The following DHRS3 variants were observed in gnomAD, a reference collection of about 807,000 sequenced individuals.
DHRS3 encodes dehydrogenase/reductase 3.
Under a neutral mutation model 27.2 loss-of-function variants are expected in DHRS3, and 14 were observed. The observed-to-expected ratio is 0.52, with a 90% CI of 0.34 to 0.81. The LOEUF is 0.81. Among genes scored for constraint, DHRS3 ranks in the 30% least tolerant of loss-of-function variants. DHRS3 has a pLI of 0.01. For synonymous variants in DHRS3, 165 were observed against 175.9 expected (o/e 0.94, Z 0.49); for missense variants, 322 against 406.2 (o/e 0.79, Z 1.78).
At chr1:12,587,141 C>CTTTT (rs564825355) in intron 1 of DHRS3, among the ~76,000 whole-genome samples, 12 of 132,316 alleles carry the variant, frequency 9.1e-5, no homozygotes, top group African/African-American at 1.2e-4. Context: ...CAACTCTAAA[C>CTTTT]TTTTTTTTTT....
Position 12,617,814 on chromosome 1 carries a change from A to AAAAT in DHRS3, c.-467_-466insATTT, listed in dbSNP as rs1646955874. The AAAAT allele has an allele frequency of 1.4e-5, 2 of 142,040 alleles. 1 individual carries two copies. The highest frequency in any genetic ancestry group is 5.2e-5 in the African/African-American group (2 of 38,692). 8.8% of individuals were successfully genotyped at this position (142,040 alleles called of 1,614,324 possible). On this transcript the variant is annotated 5_prime_UTR_variant, in exon 1 of 6. Coordinates refer to ENST00000616661, the MANE Select transcript of DHRS3 (RefSeq NM_004753.7). ...AAAAAAAAAAAAAAAAAAAAAAAAAAAGCTGATTCCAAATTGTAGCGCCCC... is the reference window on the plus strand; with the variant it reads ...AAAAAAAAAAAAAAAAAAAAAAAAAAAAATAGCTGATTCCAAATTGTAGCGCCCC...
rs1646755425 is a variant in DHRS3, at chr1:12,592,574, C to T, written c.196-11908G>A. Among the ~76,000 whole-genome samples, 1 of 152,200 alleles carries T rather than the reference C, an allele frequency of 6.6e-6. No homozygotes were observed. Among genetic ancestry groups the T allele is most frequent in the African/African-American group, 2.4e-5 (1 of 41,446 alleles). On this transcript the variant is annotated intron_variant, in intron 1 of 5. Transcript: ENST00000616661. This position sits in a 1 kb window ranked among gnomAD's most constrained non-coding sequence, Gnocchi z 4.2. ...ACAAGGAAGGATCCTTCCCTAGAGC[C>T]CGGGAGGGAGTGGGGCCCTGCTGAC...
Position 12,609,156 on chromosome 1 carries a change from G to C in DHRS3, c.195+7998C>G, listed in dbSNP as rs920906042. Among the ~76,000 whole-genome samples the C allele has an allele frequency of 3.9e-5, 6 of 152,340 alleles. 1 individual carries two copies. Among genetic ancestry groups the C allele is most frequent in the Admixed American group, 3.9e-4 (6 of 15,306 alleles). The stretch of plus-strand genomic sequence containing the variant: ...CCAACTCATCCTTCCACAGTGTTAG[G>C]AGATTTTTCAGTCTGGGGATGGTGG... On this transcript the variant is annotated intron_variant, in intron 1 of 5. Coordinates refer to ENST00000616661, the MANE Select transcript of DHRS3 (RefSeq NM_004753.7).
At chr1:12,616,245 C>T (rs1051653828) in intron 1 of DHRS3, among the ~76,000 whole-genome samples, 3 of 152,164 alleles carry the variant, frequency 2.0e-5, no homozygotes, top group African/African-American at 7.2e-5. Context: ...CGCTCTTCCT[C>T]TTCACAGGGC....
intron 5 of DHRS3, among the ~76,000 whole-genome samples, chr1:12,569,365 CAG>C (rs1021972793): frequency 2.6e-5 from 4 of 151,422 alleles, no homozygotes; most frequent in African/African-American, 7.3e-5. Context: ...GATCCTGAAA[CAG>C]AGCTCATTTT....
chr1:12,603,126 C>T (rs1408403568), intron 1 of DHRS3, among the ~76,000 whole-genome samples: 6 of 152,262 alleles, frequency 3.9e-5, no homozygotes, highest in South Asian at 2.1e-4. Flanking sequence ...GAGGAGGTGC[C>T]GAGGCTGAGG....
chr1:12,611,703 G>T (rs952636535), intron 1 of DHRS3, among the ~76,000 whole-genome samples: 1 of 152,008 alleles, frequency 6.6e-6, no homozygotes, highest in Non-Finnish European at 1.5e-5. Flanking sequence ...ATTTTTGAGC[G>T]TGCCGGGATC....
intron 1 of DHRS3, among the ~76,000 whole-genome samples, chr1:12,613,757 A>G (rs1370617314): frequency 6.6e-6 from 1 of 151,850 alleles, no homozygotes; most frequent in African/African-American, 2.4e-5. Context: ...GGAAGTGGGA[A>G]TTGAGTTTTT....
In DHRS3 at chr1:12,579,348, CTG is replaced by C; in HGVS notation, c.402_403del (p.Asp134GlufsTer2). On this transcript the variant is annotated frameshift_variant, in exon 3 of 6. Coordinates refer to ENST00000616661, the MANE Select transcript of DHRS3 (RefSeq NM_004753.7). LOFTEE classifies it high-confidence loss of function. Reference sequence around the variant, plus strand: ...GGACTTGAGGAGGGCATCATCATCACTGTCCATTAGGCTCTTCCCATGGACCA... The same window carrying C: ...GGACTTGAGGAGGGCATCATCATCACTCCATTAGGCTCTTCCCATGGACCA... The C allele has an allele frequency of 6.2e-7, 1 of 1,614,220 alleles. No homozygotes were observed. The highest frequency in any genetic ancestry group is 1.1e-5 in the South Asian group (1 of 91,082).
chr1:12,576,329 G>A (rs1324775557), intron 4 of DHRS3, among the ~76,000 whole-genome samples: 5 of 151,950 alleles, frequency 3.3e-5, no homozygotes, highest in Non-Finnish European at 5.9e-5. Context: ...TTGGGAGGCC[G>A]AGGTGGACGG....
rs983490296 is a variant in DHRS3 at position 12,593,090 on chromosome 1, A to G, written c.196-12424T>C. On this transcript the variant is annotated intron_variant, in intron 1 of 5. Transcript: ENST00000616661. This position sits in a 1 kb window ranked among gnomAD's most constrained non-coding sequence, Gnocchi z 4.6. ...CCTGCCTCAGTCTGTTCTCAACACA[A>G]CAGCCAGAGATCCTTCTAGAATGTG... Among the ~76,000 whole-genome samples, 15 of 152,126 alleles carry G rather than the reference A, an allele frequency of 9.9e-5. No homozygotes were observed. The highest frequency in any genetic ancestry group is 3.1e-4 in the African/African-American group (13 of 41,416).
intron 1 of DHRS3, among the ~76,000 whole-genome samples, chr1:12,588,559 A>G (rs1646718538): frequency 6.6e-6 from 1 of 152,128 alleles, no homozygotes. Flanking sequence ...CTCTCCCATG[A>G]GCGTGCAAGG....
rs531078007 is a variant in DHRS3, at chr1:12,608,008, G to T, written c.195+9146C>A. ...TTCTCCTGCCTCAGTCTCCCGAGTA[G>T]CTGGGATCCCAGGCATGCACCACCA... On this transcript the variant is annotated intron_variant, in intron 1 of 5. Transcript: ENST00000616661. The surrounding 1 kb of genome is among the most constrained non-coding windows in gnomAD (Gnocchi z 4.1). 6.6e-6 allele frequency among the ~76,000 whole-genome samples: 1 copy of T among 152,172 alleles called. No homozygotes were observed. The highest frequency in any genetic ancestry group is 6.5e-5 in the Admixed American group (1 of 15,274).
In DHRS3 at chr1:12,574,579, GGTGTC is replaced by G. The variant is rs1276315857; in HGVS notation, c.699-1731_699-1727del. Among the ~76,000 whole-genome samples, 1 of 152,176 alleles carries G rather than the reference GGTGTC, an allele frequency of 6.6e-6. No individual in the cohort carries two copies. Among genetic ancestry groups the G allele is most frequent in the African/African-American group, 2.4e-5 (1 of 41,438 alleles). Reference sequence around the variant, plus strand: ...AGCTCACTGATACTGGAGTCCTACAGGTGTCGTGGGCGGTCTGGATTCTCTGGCTT... The same window carrying G: ...AGCTCACTGATACTGGAGTCCTACAGGTGGGCGGTCTGGATTCTCTGGCTT... On this transcript the variant is annotated intron_variant, in intron 4 of 5. Transcript: ENST00000616661. The surrounding 1 kb of genome is among the most constrained non-coding windows in gnomAD (Gnocchi z 4.6).
intron 1 of DHRS3, among the ~76,000 whole-genome samples, chr1:12,614,786 A>G (rs1250892961): frequency 6.8e-6 from 1 of 146,292 alleles, no homozygotes; most frequent in East Asian, 2.0e-4. Context: ...GGAAGCTCTC[A>G]GATGCAGCCA....
chr1:12,616,042 G>C (rs1320810053), intron 1 of DHRS3, among the ~76,000 whole-genome samples: 1 of 152,166 alleles, frequency 6.6e-6, no homozygotes, highest in Non-Finnish European at 1.5e-5. Context: ...GAGCCACCCC[G>C]GAGGAATTGT....
At chr1:12,577,631 C>T (rs1646601356) in intron 4 of DHRS3, among the ~76,000 whole-genome samples, 1 of 152,116 alleles carries the variant, frequency 6.6e-6, no homozygotes, top group Non-Finnish European at 1.5e-5. Flanking sequence ...TTGAGATCAG[C>T]CTGGCCGACA....
At chr1:12,577,650 C>A (rs1055437959) in intron 4 of DHRS3, among the ~76,000 whole-genome samples, 7 of 152,150 alleles carry the variant, frequency 4.6e-5, no homozygotes, top group African/African-American at 1.7e-4. Context: ...CATAGTGAAA[C>A]CCCGTCTGTA....
At chr1:12,611,224 T>C (rs4394668) in intron 1 of DHRS3, among the ~76,000 whole-genome samples, 30,504 of 152,012 alleles carry the variant, frequency 0.2, 3,223 homozygotes, top group East Asian at 0.37. Flanking sequence ...GAAGTCGAAA[T>C]GAGAATTAGC....
Sources: gnomAD v4.1 joint callset for allele counts (sites outside exome capture counted in the v4.1 genomes callset) on GRCh38, gnomAD v4.1.1 for gene constraint, Gnocchi (gnomAD v3.1) non-coding constraint, MANE v1.5 for transcripts, NCBI Gene and HGNC (gene_info 2026-07-23, HGNC 2026-07-21) for gene names.